The following CYP2C19 variants were observed in gnomAD, a reference collection of about 807,000 sequenced individuals.
The protein encoded by CYP2C19 is cytochrome P450 2C19.
A neutral mutation model predicts 40.9 loss-of-function variants in CYP2C19; 59 were observed. That is an observed-to-expected ratio of 1.44 (90% CI 1.17 to 1.79). The LOEUF (loss-of-function observed/expected upper bound fraction) is 1.79. Among genes scored for constraint, CYP2C19 ranks in the 40% most tolerant of loss-of-function variants. The pLI, the probability that CYP2C19 is intolerant of heterozygous loss-of-function variation, is 0.00. For synonymous variants in CYP2C19, 253 were observed against 208.7 expected, an observed-to-expected ratio of 1.21 and a Z score of -1.83; for missense variants, 754 against 596.9, an observed-to-expected ratio of 1.26 and a Z score of -2.74.
At chr10:94,834,461 ATTTTG>A (rs1202320677) in intron 6 of CYP2C19, among the ~76,000 whole-genome samples, 3 of 151,408 alleles carry the variant, frequency 2.0e-5, no homozygotes, top group African/African-American at 7.3e-5. Context: ...TTGCATTGAC[ATTTTG>A]TTTTGTTTTC....
chr10:94,795,633 G>T (rs1342760392), intron 5 of CYP2C19, among the ~76,000 whole-genome samples: 1 of 152,046 alleles, frequency 6.6e-6, no homozygotes, highest in Non-Finnish European at 1.5e-5. Context: ...GTGTAAAAGT[G>T]TTCCTATTTC....
intron 6 of CYP2C19, among the ~76,000 whole-genome samples, chr10:94,827,957 C>T (rs1457763193): frequency 6.6e-6 from 1 of 151,764 alleles, no homozygotes; most frequent in South Asian, 2.1e-4. Flanking sequence ...GTTCAGTTTC[C>T]ATGTAGTTGA....
intron 6 of CYP2C19, among the ~76,000 whole-genome samples, chr10:94,829,287 A>T (rs1849288353): frequency 6.6e-6 from 1 of 152,158 alleles, no homozygotes; most frequent in Non-Finnish European, 1.5e-5. Context: ...TCTCCCCATC[A>T]CTTTCAGGTA....
intron 3 of CYP2C19, among the ~76,000 whole-genome samples, 176 bp from the exon 4 acceptor site, chr10:94,780,323 G>A (rs895266650): frequency 6.6e-6 from 1 of 152,152 alleles, no homozygotes; most frequent in Non-Finnish European, 1.5e-5. Context: ...GTTAATTCGA[G>A]ATTAATGTAA....
chr10:94,846,183 C>T (rs1589377882), intron 7 of CYP2C19, among the ~76,000 whole-genome samples: 1 of 152,090 alleles, frequency 6.6e-6, no homozygotes, highest in Non-Finnish European at 1.5e-5. Flanking sequence ...TTTTTATCTC[C>T]TGTAATCAAG....
intron 7 of CYP2C19, among the ~76,000 whole-genome samples, chr10:94,847,722 C>A (rs1422278884): frequency 5.3e-5 from 8 of 152,312 alleles, no homozygotes; most frequent in Admixed American, 2.0e-4. Flanking sequence ...TATTTCTCCA[C>A]ATCCTCTCCT....
chr10:94,764,149 A>G (rs1440106194), intron 1 of CYP2C19, among the ~76,000 whole-genome samples: 6 of 152,124 alleles, frequency 3.9e-5, no homozygotes, highest in Non-Finnish European at 7.3e-5. Flanking sequence ...TTTATTGTGA[A>G]GAGCAAAAGA....
chr10:94,799,779 C>G (rs1039922659), intron 5 of CYP2C19, among the ~76,000 whole-genome samples: 4 of 152,102 alleles, frequency 2.6e-5, no homozygotes, highest in Non-Finnish European at 4.4e-5. Context: ...GATACCCTTT[C>G]TTCCACTTGG....
intron 7 of CYP2C19, among the ~76,000 whole-genome samples, chr10:94,847,042 A>G (rs1019712521): frequency 6.6e-6 from 1 of 151,566 alleles, no homozygotes. Flanking sequence ...TTCCCATGTC[A>G]ACAGAGACTT....
At chr10:94,810,903 A>G (rs1848912987) in intron 5 of CYP2C19, among the ~76,000 whole-genome samples, 1 of 152,016 alleles carries the variant, frequency 6.6e-6, no homozygotes, top group African/African-American at 2.4e-5. Flanking sequence ...CTCTGATATT[A>G]GTTATTTTTT....
chr10:94,787,832 A>G (rs1848561028), intron 5 of CYP2C19, among the ~76,000 whole-genome samples: 1 of 151,972 alleles, frequency 6.6e-6, no homozygotes, highest in South Asian at 2.1e-4. Context: ...TGGCTTCTGT[A>G]TTGCTTTGGC....
At chr10:94,824,990 C>T (rs1849191865) in intron 6 of CYP2C19, among the ~76,000 whole-genome samples, 1 of 140,974 alleles carries the variant, frequency 7.1e-6, no homozygotes, top group Non-Finnish European at 1.5e-5. Flanking sequence ...ATGAACTCAT[C>T]ATTTTTTATG....
chr10:94,820,087 T>G (rs201716607), intron 5 of CYP2C19, among the ~76,000 whole-genome samples: 1 of 150,894 alleles, frequency 6.6e-6, no homozygotes, highest in African/African-American at 2.5e-5. Context: ...TGGTTCAATA[T>G]ATGCAAATCA....
At chr10:94,843,184 G>A (rs185094926) in intron 7 of CYP2C19, among the ~76,000 whole-genome samples, 160 bp downstream of exon 7, 2 of 152,208 alleles carry the variant, frequency 1.3e-5, no homozygotes, top group Non-Finnish European at 2.9e-5. Flanking sequence ...GGACTATAAA[G>A]ATTTGTAACA....
intron 1 of CYP2C19, among the ~76,000 whole-genome samples, chr10:94,767,193 A>T (rs559801427): frequency 3.5e-4 from 53 of 152,224 alleles, no homozygotes; most frequent in African/African-American, 1.3e-3. Flanking sequence ...GCCATGGGAA[A>T]TGAGATTCTT....
intron 5 of CYP2C19, among the ~76,000 whole-genome samples, chr10:94,806,009 G>A (rs1425231364): frequency 6.6e-6 from 1 of 152,116 alleles, no homozygotes; most frequent in Non-Finnish European, 1.5e-5. Flanking sequence ...GATGTGACAA[G>A]AAATGTTGTA....
rs2134296611 is a variant in CYP2C19 at position 94,854,594 on chromosome 10, A to G, written c.*1680A>G. The stretch of plus-strand genomic sequence containing the variant: ...TAGAACAAGCTACTTACAATTTGGA[A>G]TACATTTAAAGATAATATATGGGTA... On this transcript the variant is annotated 3_prime_UTR_variant, in exon 9 of 9. Coordinates refer to ENST00000371321, the MANE Select transcript of CYP2C19 (RefSeq NM_000769.4). Among the ~76,000 whole-genome samples, 1 of 152,196 alleles carries G rather than the reference A, an allele frequency of 6.6e-6. No individual in the cohort carries two copies. Among genetic ancestry groups the G allele is most frequent in the East Asian group, 1.9e-4 (1 of 5,170 alleles).
intron 8 of CYP2C19, 88 bp downstream of exon 8, chr10:94,850,146 G>A (rs1313177109): frequency 1.4e-6 from 2 of 1,444,836 alleles, no homozygotes; most frequent in African/African-American, 2.8e-5. Flanking sequence ...CTCTGCAGTG[G>A]TACAGTTACT....
chr10:94,848,111 G>A (rs1317603538), intron 7 of CYP2C19, among the ~76,000 whole-genome samples: 1 of 152,126 alleles, frequency 6.6e-6, no homozygotes, highest in Admixed American at 6.5e-5. Context: ...TTTGGCTTTT[G>A]TTGCCATTGC....
Sources: gnomAD v4.1 joint callset for allele counts (sites outside exome capture counted in the v4.1 genomes callset) on GRCh38, gnomAD v4.1.1 for gene constraint, MANE v1.5 for transcripts, NCBI Gene and HGNC (gene_info 2026-07-23, HGNC 2026-07-21) for gene names.